The following DMD variants were observed in gnomAD, a reference collection of about 807,000 sequenced individuals.
DMD encodes dystrophin.
DMD carries 63 observed loss-of-function variants against 330.1 expected under a neutral mutation model. The observed-to-expected ratio is 0.19, with a 90% confidence interval of 0.16 to 0.24. The LOEUF is 0.24. Ranked by LOEUF, DMD falls within the 10% of genes least tolerant of loss-of-function variation. The pLI, the probability that DMD is intolerant of heterozygous loss-of-function variation, is 1.00. For missense variants in DMD, 3,344 were observed against 2,684.1 expected, an observed-to-expected ratio of 1.25 and a Z score of -5.43; for synonymous variants, 1,223 against 959.8, an observed-to-expected ratio of 1.27 and a Z score of -5.07.
intron 48 of DMD, among the ~76,000 whole-genome samples, chrX:31,872,774 G>A (rs2093912653): frequency 9.0e-6 from 1 of 111,509 alleles, no homozygotes; most frequent in African/African-American, 3.3e-5. Context: ...ATTTGGCTAA[G>A]GTTATTGTGT....
intron 62 of DMD, chrX:31,267,052 G>C: frequency 2.7e-6 from 1 of 371,321 alleles, no homozygotes; most frequent in South Asian, 6.4e-5. Flanking sequence ...TGGGAACCCG[G>C]ACACCCAGAG....
intron 11 of DMD, among the ~76,000 whole-genome samples, chrX:32,641,092 A>T (rs2059416337): frequency 9.0e-6 from 1 of 111,144 alleles, no homozygotes; most frequent in Non-Finnish European, 1.9e-5. Context: ...AAATAGTGGT[A>T]CCTTCTTGTC....
At chrX:32,257,955 T>G (rs914954830) in intron 43 of DMD, among the ~76,000 whole-genome samples, 1 of 98,008 alleles carries the variant, frequency 1.0e-5, no homozygotes, top group Non-Finnish European at 2.1e-5. Context: ...TATAAGGAAC[T>G]TAAACAAATT....
chrX:33,229,492 AGGCTATAGAAAT>A (rs992525133), intron 1 of DMD, among the ~76,000 whole-genome samples: 5 of 111,679 alleles, frequency 4.5e-5, no homozygotes, highest in Admixed American at 2.9e-4. Flanking sequence ...TTTGTTGAAA[AGGCTATAGAAAT>A]GGAAAGGCTG....
chrX:31,658,797 T>C (rs1055040455), intron 53 of DMD, among the ~76,000 whole-genome samples: 9 of 112,504 alleles, frequency 8.0e-5, no homozygotes, highest in African/African-American at 2.9e-4. Flanking sequence ...TCTCATCACT[T>C]GAAACATATT....
At chrX:32,761,917 G>A (rs945766623) in intron 7 of DMD, among the ~76,000 whole-genome samples, 1 of 110,773 alleles carries the variant, frequency 9.0e-6, no homozygotes, top group African/African-American at 3.3e-5. Flanking sequence ...TTGGGAGGCC[G>A]AGATGGGCAG....
rs2032131790 is a variant in DMD, at chrX:31,120,123, A to G, written c.*1796T>C. 1 of 110,936 alleles carries G rather than the reference A, an allele frequency of 9.0e-6. No homozygotes were observed. The highest frequency in any genetic ancestry group is 9.6e-5 in the Admixed American group (1 of 10,427). 9.1% of individuals were successfully genotyped at this position (110,936 alleles called of 1,213,427 possible). A position where few individuals can be genotyped will look rare whatever the true frequency, so the allele number is the denominator to read the frequency against. ...TTACACTTGATGTCAGAGGTAACAG[A>G]TTTGCAAAATTATAGGTCACACGGT... On this transcript the variant is annotated 3_prime_UTR_variant, in exon 79 of 79. Transcript: ENST00000357033.
chrX:31,599,199 C>G (rs2077238163), intron 55 of DMD, among the ~76,000 whole-genome samples: 1 of 111,967 alleles, frequency 8.9e-6, no homozygotes, highest in Non-Finnish European at 1.9e-5. Context: ...GTTTGCCAGA[C>G]TAATCCAAAT....
chrX:33,128,002 C>T (rs2148520554), intron 1 of DMD: 2 of 1,113,648 alleles, frequency 1.8e-6, no homozygotes, highest in East Asian at 3.3e-5. Flanking sequence ...TATAGAAAGG[C>T]ATATGGAACA....
chrX:31,190,084 G>C (rs141203377), intron 67 of DMD, among the ~76,000 whole-genome samples: 3,245 of 112,015 alleles, frequency 0.029, 50 homozygotes, highest in Non-Finnish European at 0.046. Flanking sequence ...CTCTAGGTCG[G>C]TGGTTCTCAA....
rs184900557 is a variant in DMD at position 32,302,083 on chromosome X, T to C, written c.6117+7999A>G. On this transcript the variant is annotated intron_variant, in intron 42 of 78. Coordinates refer to ENST00000357033, the MANE Select transcript of DMD (RefSeq NM_004006.3). The stretch of plus-strand genomic sequence containing the variant: ...AATAAGTAACAACTAGCCTCGGAAA[T>C]ACACATGGCCCCCGTCTTATAATGT... Among the ~76,000 whole-genome samples, 22 of 111,236 alleles carry C rather than the reference T, an allele frequency of 2.0e-4. No individual in the cohort carries two copies. The Admixed American group carries it at 2.0e-3, about 10-fold the overall frequency.
intron 54 of DMD, among the ~76,000 whole-genome samples, chrX:31,653,953 T>C (rs1187215615): frequency 9.0e-6 from 1 of 111,626 alleles, no homozygotes; most frequent in East Asian, 2.8e-4. Flanking sequence ...CTTTTTTCCA[T>C]AGATAGATTA....
chrX:32,775,728 A>C (rs1051532740), intron 7 of DMD, among the ~76,000 whole-genome samples: 1 of 113,097 alleles, frequency 8.8e-6, no homozygotes. Context: ...CTGTGATGGA[A>C]GGGGCTGGCA....
At chrX:32,428,545 G>C in intron 29 of DMD, among the ~76,000 whole-genome samples, 1 of 111,856 alleles carries the variant, frequency 8.9e-6, no homozygotes, top group Non-Finnish European at 1.9e-5. Context: ...ATATAGTTGT[G>C]TATTTCTTCT....
intron 60 of DMD, among the ~76,000 whole-genome samples, chrX:31,376,050 C>G (rs775397393): frequency 1.8e-5 from 2 of 111,455 alleles, no homozygotes; most frequent in Non-Finnish European, 3.8e-5. Context: ...ATTACGTCTC[C>G]GTAATCTGAT....
chrX:32,252,603 C>A (rs375357770), intron 43 of DMD, among the ~76,000 whole-genome samples: 12 of 41,127 alleles, frequency 2.9e-4, no homozygotes, highest in East Asian at 8.4e-4. Context: ...TATATATAAA[C>A]ATATATAAAT....
intron 43 of DMD, among the ~76,000 whole-genome samples, chrX:32,285,561 G>A (rs1297384594): frequency 1.8e-5 from 2 of 111,088 alleles, no homozygotes; most frequent in African/African-American, 6.6e-5. Flanking sequence ...TTACAGGCAT[G>A]AGCCACCATT....
intron 49 of DMD, among the ~76,000 whole-genome samples, chrX:31,822,651 G>GTGTGTGTGTGT (rs2092788616): frequency 2.1e-4 from 1 of 4,818 alleles, no homozygotes; most frequent in South Asian, 0.011. Flanking sequence ...AAAAGGCAGA[G>GTGTGTGTGTGT]GGGTGTGTGT....
At chrX:33,124,487 A>C (rs865921960) in intron 1 of DMD, among the ~76,000 whole-genome samples, 11 of 98,227 alleles carry the variant, frequency 1.1e-4, no homozygotes, top group African/African-American at 4.7e-4. Flanking sequence ...AAAAAAAAAA[A>C]AAAAAAAAAA....
Sources: allele counts gnomAD v4.1 joint callset (sites outside exome capture counted in the v4.1 genomes callset), GRCh38; gene constraint gnomAD v4.1.1; transcripts MANE v1.5; gene names NCBI Gene and HGNC (gene_info 2026-07-23, HGNC 2026-07-21).